Variants in KTN1 observed in about 807,000 individuals in gnomAD.
The protein encoded by KTN1 is kinectin 1, also known as kinectin.
A neutral mutation model predicts 222.5 loss-of-function variants in KTN1; 130 were observed. The ratio of observed to expected loss-of-function variants is 0.58; its 90% CI spans 0.51 to 0.68. KTN1 has a LOEUF of 0.68. Among genes scored for constraint, KTN1 ranks in the 30% least tolerant of loss-of-function variants. The pLI is 0.00. For synonymous variants in KTN1, 512 were observed against 496.3 expected (o/e 1.03, Z -0.42); for missense variants, 1,508 against 1,500.4 (o/e 1.01, Z -0.08).
At chr14:55,667,569 A>G in intron 34 of KTN1, 1 of 263,530 alleles carries the variant, frequency 3.8e-6, no homozygotes, top group East Asian at 7.0e-5. Flanking sequence ...TAAAAACATC[A>G]TATTTGGGAA....
chr14:55,616,884 G>A (rs1400243357), intron 3 of KTN1, among the ~76,000 whole-genome samples: 2 of 152,132 alleles, frequency 1.3e-5, no homozygotes, highest in African/African-American at 4.8e-5. Context: ...TTTACAAAGG[G>A]CAAAGCATTT....
chr14:55,638,202 C>G (rs946552110), intron 12 of KTN1, among the ~76,000 whole-genome samples: 2 of 151,812 alleles, frequency 1.3e-5, no homozygotes, highest in Non-Finnish European at 2.9e-5. Flanking sequence ...CTGGAAAATC[C>G]TAATATATCA....
chr14:55,670,215 A>AT (rs1400951424), intron 34 of KTN1, among the ~76,000 whole-genome samples: 4 of 152,052 alleles, frequency 2.6e-5, no homozygotes, highest in Non-Finnish European at 4.4e-5. Flanking sequence ...GAATGAAATA[A>AT]TTTTAGAGTC....
intron 40 of KTN1, 75 bp downstream of exon 40, chr14:55,673,330 G>T: frequency 1.1e-6 from 1 of 925,544 alleles, no homozygotes. Flanking sequence ...AAACCATCCA[G>T]GCTTTTTTTT....
At chr14:55,643,925 T>TA in intron 18 of KTN1, among the ~76,000 whole-genome samples, 1 of 152,320 alleles carries the variant, frequency 6.6e-6, no homozygotes, top group African/African-American at 2.4e-5. Context: ...TTATGAAGAA[T>TA]AATTCACAGG....
chr14:55,618,970 T>C (rs528635005), intron 4 of KTN1, among the ~76,000 whole-genome samples: 2 of 152,356 alleles, frequency 1.3e-5, no homozygotes, highest in South Asian at 2.1e-4. Context: ...TGAGCAAACT[T>C]TTAGCTAATG....
intron 1 of KTN1, among the ~76,000 whole-genome samples, chr14:55,599,473 T>C (rs569933778): frequency 8.3e-4 from 126 of 152,218 alleles, no homozygotes; most frequent in Middle Eastern, 3.4e-3. Context: ...ATTTTTTTTT[T>C]CTTTTTTTTG....
At chr14:55,593,598 G>A (rs1430173771) in intron 1 of KTN1, among the ~76,000 whole-genome samples, 1 of 152,018 alleles carries the variant, frequency 6.6e-6, no homozygotes, top group Non-Finnish European at 1.5e-5. Context: ...AAAGAGATAG[G>A]TATAGTACGT....
chr14:55,653,832 T>C (rs1412474834), intron 28 of KTN1, among the ~76,000 whole-genome samples: 1 of 152,196 alleles, frequency 6.6e-6, no homozygotes, highest in African/African-American at 2.4e-5. Flanking sequence ...ATTTTTTCAA[T>C]TATTCTTTCT....
At chr14:55,633,120 A>T in intron 7 of KTN1, 115 bp from the exon 8 acceptor site, 1 of 482,308 alleles carries the variant, frequency 2.1e-6, no homozygotes, top group East Asian at 3.4e-5. Context: ...GAGAAGAATG[A>T]TTCAAACTTC....
intron 32 of KTN1, among the ~76,000 whole-genome samples, chr14:55,662,254 G>C (rs2044230508): frequency 6.6e-6 from 1 of 151,892 alleles, no homozygotes; most frequent in Non-Finnish European, 1.5e-5. Context: ...ATTTTTAGTA[G>C]AGGTGGGGTT....
intron 1 of KTN1, among the ~76,000 whole-genome samples, chr14:55,590,698 T>G (rs1257043500): frequency 2.0e-5 from 3 of 151,438 alleles, no homozygotes; most frequent in African/African-American, 7.3e-5. Flanking sequence ...TTTTTTGAGA[T>G]GGAGTCTCGC....
chr14:55,640,945 C>T lies in KTN1; in HGVS notation c.1996C>T (p.His666Tyr). 6.2e-7 allele frequency: 1 copy of T among 1,612,092 alleles called. No homozygotes were observed. The highest frequency in any genetic ancestry group is 1.7e-5 in the Admixed American group (1 of 59,928). ...ATTCCACACACAGGCTGCTGCTGCA[C>T]ATGAATTGGAGAAGATGCAACAAAG... The part of the protein sequence containing the change: ...ALANEQAAAA[H>Y]ELEKMQQSVY... The change falls in exon 16 of 44, where the codon CAT becomes TAT. Residue 666 changes from histidine (H) to tyrosine (Y), a missense_variant. His to Tyr is a moderately conservative substitution (Grantham distance 83). Transcript: ENST00000395314.
At chr14:55,644,140 G>T (rs1286743373) in intron 18 of KTN1, 4 of 384,100 alleles carry the variant, frequency 1.0e-5, no homozygotes, top group Non-Finnish European at 1.9e-5. Context: ...GGCAGACAAA[G>T]AATCATTTCT....
chr14:55,645,883 G>A (rs904425257), intron 18 of KTN1, among the ~76,000 whole-genome samples: 1 of 152,160 alleles, frequency 6.6e-6, no homozygotes, highest in Admixed American at 6.5e-5. Context: ...TAGGGCAGTG[G>A]AAAAATTAAT....
At chr14:55,680,867 A>G (rs563489988) in intron 43 of KTN1, 19 of 439,450 alleles carry the variant, frequency 4.3e-5, no homozygotes, top group African/African-American at 8.3e-5. Flanking sequence ...CAGTTTCCCA[A>G]TGTAAAAATT....
At position 55,637,696 on chromosome 14, in the gene KTN1, A is replaced by G. The variant is rs564116236; in HGVS notation, c.1717-83A>G. On this transcript the variant is annotated intron_variant, in intron 11 of 43. Coordinates refer to ENST00000395314, the MANE Select transcript of KTN1 (RefSeq NM_001079521.2). ...AAAAAAAAAAGAAAAAGATAAACAA[A>G]TGTACCTATAATACATTGTGTTCAT... 4.2e-5 allele frequency: 38 copies of G among 909,634 alleles called. No homozygotes were observed. In the African/African-American group the frequency reaches 6.0e-4, roughly 14 times the overall value. 56.3% of individuals were successfully genotyped at this position (909,634 alleles called of 1,614,324 possible).
chr14:55,581,527 GGT>G (rs955657474), intron 1 of KTN1, among the ~76,000 whole-genome samples: 5 of 151,432 alleles, frequency 3.3e-5, no homozygotes, highest in African/African-American at 9.7e-5. Flanking sequence ...TAACTGTTAA[GGT>G]GTGTGTGTGT....
At chr14:55,604,250 A>G (rs928673398) in intron 1 of KTN1, among the ~76,000 whole-genome samples, 2 of 152,162 alleles carry the variant, frequency 1.3e-5, no homozygotes, top group East Asian at 1.9e-4. Context: ...TATAGCAGGT[A>G]TGTTACTGTC....
Sources: gnomAD v4.1 joint callset for allele counts (sites outside exome capture counted in the v4.1 genomes callset) on GRCh38, gnomAD v4.1.1 for gene constraint, MANE v1.5 for transcripts, NCBI Gene and HGNC (gene_info 2026-07-23, HGNC 2026-07-21) for gene names.